LCORL: variants seen among roughly 807,000 people sequenced by gnomAD.
LCORL encodes ligand-dependent nuclear receptor corepressor-like protein.
A neutral mutation model predicts 141.8 loss-of-function variants in LCORL; 41 were observed. The observed-to-expected ratio is 0.29, with a 90% CI of 0.23 to 0.38. The LOEUF is 0.38. LCORL is among the 10% of genes least tolerant of loss of function. LCORL has a pLI of 1.00. For missense variants in LCORL, 1,759 were observed against 2,035.0 expected, an observed-to-expected ratio of 0.86 and a Z score of 2.61; for synonymous variants, 618 against 694.1, an observed-to-expected ratio of 0.89 and a Z score of 1.72.
At chr4:17,868,583 C>A (rs901241159) in intron 7 of LCORL, among the ~76,000 whole-genome samples, 6 of 152,086 alleles carry the variant, frequency 3.9e-5, no homozygotes, top group African/African-American at 1.4e-4. Context: ...CCAACAGTCG[C>A]ACTCCATTTT....
At chr4:17,918,796 T>C (rs1013671651) in intron 4 of LCORL, among the ~76,000 whole-genome samples, 1 of 151,970 alleles carries the variant, frequency 6.6e-6, no homozygotes, top group Non-Finnish European at 1.5e-5. Flanking sequence ...AAAAAATATT[T>C]GAAAAAAATG....
chr4:17,905,796 TAC>T (rs1477981022), intron 5 of LCORL, among the ~76,000 whole-genome samples: 4 of 152,066 alleles, frequency 2.6e-5, no homozygotes, highest in South Asian at 2.1e-4. Flanking sequence ...GCTAAAAAAT[TAC>T]AGAGTGAGAA....
At chr4:17,852,653 G>A (rs1417376916) in intron 7 of LCORL, among the ~76,000 whole-genome samples, 1 of 152,054 alleles carries the variant, frequency 6.6e-6, no homozygotes, top group Non-Finnish European at 1.5e-5. Flanking sequence ...GGTTACGTAG[G>A]CATCTAAGCC....
intron 1 of LCORL, among the ~76,000 whole-genome samples, chr4:18,010,234 C>G (rs1723484781): frequency 6.7e-6 from 1 of 148,582 alleles, no homozygotes; most frequent in South Asian, 2.3e-4. Context: ...ACCAAACATG[C>G]ATTTTACTTA....
chr4:17,890,758 T>G (rs1728953454), intron 5 of LCORL, among the ~76,000 whole-genome samples: 1 of 152,120 alleles, frequency 6.6e-6, no homozygotes, highest in Non-Finnish European at 1.5e-5. Flanking sequence ...AATTTAAAAA[T>G]AAACTGACGT....
intron 1 of LCORL, among the ~76,000 whole-genome samples, chr4:17,996,939 C>T (rs1210230133): frequency 6.6e-6 from 1 of 152,102 alleles, no homozygotes; most frequent in East Asian, 1.9e-4. Flanking sequence ...CATACGTAGC[C>T]TTCCCTGATC....
exon 7 of LCORL, chr4:17,876,260 C>T: frequency 3.2e-6 from 4 of 1,231,034 alleles, no homozygotes; most frequent in Non-Finnish European, 4.1e-6. Flanking sequence ...CCACTGTAGG[C>T]ATGCAGTGAC....
intron 1 of LCORL, among the ~76,000 whole-genome samples, chr4:17,985,700 C>G (rs1718834032): frequency 6.6e-6 from 1 of 152,078 alleles, no homozygotes; most frequent in Non-Finnish European, 1.5e-5. Context: ...ACCATTGGGT[C>G]TTGCTTTTTT....
At chr4:17,903,555 C>T (rs1171545504) in intron 5 of LCORL, among the ~76,000 whole-genome samples, 1 of 152,028 alleles carries the variant, frequency 6.6e-6, no homozygotes, top group Non-Finnish European at 1.5e-5. Flanking sequence ...ACTCAATGTA[C>T]TAGGACAAAA....
chr4:17,938,421 T>A (rs1013032040), intron 4 of LCORL, among the ~76,000 whole-genome samples: 5 of 149,984 alleles, frequency 3.3e-5, no homozygotes, highest in Non-Finnish European at 6.0e-5. Context: ...TTCTTTCTTT[T>A]TTTTTTTTTT....
chr4:17,997,035 T>G (rs1037841250), intron 1 of LCORL, among the ~76,000 whole-genome samples: 1 of 152,154 alleles, frequency 6.6e-6, no homozygotes, highest in Admixed American at 6.5e-5. Context: ...GTTTAAACAT[T>G]TGAACTTTTG....
intron 4 of LCORL, among the ~76,000 whole-genome samples, chr4:17,936,360 GAAAAAAAAA>G (rs10646952): frequency 1.0e-5 from 1 of 96,454 alleles, no homozygotes; most frequent in African/African-American, 3.4e-5. Flanking sequence ...GTCTCATAAT[GAAAAAAAAA>G]AAAAAAAAGA....
intron 4 of LCORL, among the ~76,000 whole-genome samples, chr4:17,936,765 C>T (rs1389543497): frequency 6.6e-6 from 1 of 152,084 alleles, no homozygotes; most frequent in African/African-American, 2.4e-5. Context: ...CTAATTCTAT[C>T]CTTCCCTCCC....
chr4:17,966,238 T>C (rs1422263163), intron 2 of LCORL, among the ~76,000 whole-genome samples: 2 of 151,710 alleles, frequency 1.3e-5, no homozygotes, highest in Admixed American at 1.3e-4. Context: ...AAAAAATCAG[T>C]AAAATAAACC....
In LCORL at chr4:18,021,553, C is replaced by A; in HGVS notation, c.154+45G>T. 1 of 1,483,664 alleles carries A rather than the reference C, an allele frequency of 6.7e-7. No individual in the cohort carries two copies. The highest frequency in any genetic ancestry group is 9.0e-7 in the Non-Finnish European group (1 of 1,109,316). 91.9% of individuals were successfully genotyped at this position (1,483,664 alleles called of 1,614,324 possible). A position where few individuals can be genotyped will look rare whatever the true frequency, so the allele number is the denominator to read the frequency against. ...CCACAAACTCCTCGGGCTGCGACAG[C>A]GGTCGCCGCGCGGAGCCCGGGGCCC... On this transcript the variant is annotated intron_variant, in intron 1 of 7. Transcript: ENST00000635767. This position sits in a 1 kb window ranked among gnomAD's most constrained non-coding sequence, Gnocchi z 5.5.
At chr4:17,875,031 C>A in exon 7 of LCORL, 2 of 1,233,502 alleles carry the variant, frequency 1.6e-6, no homozygotes, top group Non-Finnish European at 2.0e-6. Context: ...AGCAATCATA[C>A]GTTTTGATCC....
intron 4 of LCORL, among the ~76,000 whole-genome samples, chr4:17,910,663 A>G (rs1732376017): frequency 6.6e-6 from 1 of 152,160 alleles, no homozygotes; most frequent in South Asian, 2.1e-4. Context: ...TTCAAAATAC[A>G]CTATTTGGAG....
At chr4:17,975,865 A>T (rs181680714) in intron 1 of LCORL, among the ~76,000 whole-genome samples, 98 of 152,306 alleles carry the variant, frequency 6.4e-4, no homozygotes, top group Admixed American at 1.1e-3. Context: ...ATGTACTATA[A>T]ATGTTAATTA....
chr4:17,846,398 G>A (rs1254529973), intron 7 of LCORL, among the ~76,000 whole-genome samples: 1 of 152,144 alleles, frequency 6.6e-6, no homozygotes, highest in Non-Finnish European at 1.5e-5. Context: ...TGAGAGTTAA[G>A]TACAAATATG....
Sources: allele counts gnomAD v4.1 joint callset (sites outside exome capture counted in the v4.1 genomes callset), GRCh38; gene constraint gnomAD v4.1.1; non-coding constraint Gnocchi (gnomAD v3.1); transcripts MANE v1.5; gene names NCBI Gene and HGNC (gene_info 2026-07-23, HGNC 2026-07-21).